Variants in PTPRN2 observed in about 807,000 individuals in gnomAD.
PTPRN2 encodes the protein receptor-type tyrosine-protein phosphatase N2.
In PTPRN2, 74 loss-of-function variants were observed where a neutral mutation model predicts 118.8. The observed-to-expected ratio is 0.62, with a 90% confidence interval of 0.52 to 0.76. The LOEUF (loss-of-function observed/expected upper bound fraction) is 0.76. Ranked by LOEUF, PTPRN2 falls within the 30% of genes least tolerant of loss-of-function variation. PTPRN2 has a pLI of 0.00. For synonymous variants in PTPRN2, 641 were observed against 608.0 expected, an observed-to-expected ratio of 1.05 and a Z score of -0.80; for missense variants, 1,481 against 1,394.4, an observed-to-expected ratio of 1.06 and a Z score of -0.99.
intron 3 of PTPRN2, among the ~76,000 whole-genome samples, chr7:158,256,701 G>A (rs755874782): frequency 6.6e-6 from 1 of 152,048 alleles, no homozygotes; most frequent in African/African-American, 2.4e-5. Flanking sequence ...CTACCCTGGT[G>A]GCTTGAGAGC....
In PTPRN2 at chr7:157,585,382, C is replaced by T. The variant is rs555008395; in HGVS notation, c.2497-7242G>A. On this transcript the variant is annotated intron_variant, in intron 17 of 22. Transcript: ENST00000389418. The surrounding 1 kb of genome is among the most constrained non-coding windows in gnomAD (Gnocchi z 5.2). ...ACTCCACCAAAGTCGGGTCTGTGTTCTCCGGGAAGGACTCAGCCTGCTTGT... is the reference window on the plus strand; with the variant it reads ...ACTCCACCAAAGTCGGGTCTGTGTTTTCCGGGAAGGACTCAGCCTGCTTGT... Among the ~76,000 whole-genome samples, 27 of 152,132 alleles carry T rather than the reference C, an allele frequency of 1.8e-4. No individual in the cohort carries two copies. The highest frequency in any genetic ancestry group is 5.2e-4 in the Admixed American group (8 of 15,306).
chr7:158,096,020 G>C lies in PTPRN2; in HGVS notation c.1644-14643C>G, dbSNP rs574764412. 6.9e-4 allele frequency among the ~76,000 whole-genome samples: 105 copies of C among 152,208 alleles called. 1 individual carries two copies. Among genetic ancestry groups the C allele is most frequent in the Non-Finnish European group, 1.3e-3 (88 of 68,042 alleles). ...CTTCACACTTGAAGTGCATTGAAAA[G>C]TCTAGAGAAAAGAATGGGTTCTTCT... On this transcript the variant is annotated intron_variant, in intron 10 of 22. Transcript: ENST00000389418.
chr7:157,796,534 T>C (rs4716498), intron 12 of PTPRN2, among the ~76,000 whole-genome samples: 20,454 of 152,246 alleles, frequency 0.13, 1,446 homozygotes, highest in South Asian at 0.17. Context: ...GTTAAAAATC[T>C]GGTTGGAGAG....
intron 6 of PTPRN2, among the ~76,000 whole-genome samples, chr7:158,159,934 GA>G (rs36055189): frequency 0.63 from 95,052 of 152,010 alleles, 30,794 homozygotes; most frequent in East Asian, 0.84. Flanking sequence ...CCCAAATAGT[GA>G]AATCCCCAAA....
rs1231545265 is a variant in PTPRN2, at chr7:157,779,102, C to A, written c.1789-96165G>T. ...TCCCTGGGGTCTTGGGACCCTCAAGCAAATGCCACCTAGAAGCAAAACCTG... is the reference window on the plus strand; with the variant it reads ...TCCCTGGGGTCTTGGGACCCTCAAGAAAATGCCACCTAGAAGCAAAACCTG... On this transcript the variant is annotated intron_variant, in intron 12 of 22. Transcript: ENST00000389418. This position sits in a 1 kb window ranked among gnomAD's most constrained non-coding sequence, Gnocchi z 4.7. 6.6e-6 allele frequency among the ~76,000 whole-genome samples: 1 copy of A among 152,182 alleles called. No individual in the cohort carries two copies. Among genetic ancestry groups the A allele is most frequent in the African/African-American group, 2.4e-5 (1 of 41,460 alleles).
chr7:158,376,732 T>C (rs1400644224), intron 2 of PTPRN2, among the ~76,000 whole-genome samples: 12 of 124,464 alleles, frequency 9.6e-5, no homozygotes, highest in Non-Finnish European at 1.8e-4. Context: ...CCCACAGCCC[T>C]GTCACACGTC....
At chr7:158,074,403 G>C (rs1462548403) in intron 11 of PTPRN2, among the ~76,000 whole-genome samples, 1 of 152,184 alleles carries the variant, frequency 6.6e-6, no homozygotes, top group African/African-American at 2.4e-5. Context: ...GGCCACGGAA[G>C]CCTCCTGCAC....
At chr7:158,171,052 T>A (rs71544550) in intron 5 of PTPRN2, among the ~76,000 whole-genome samples, 3 of 113,940 alleles carry the variant, frequency 2.6e-5, no homozygotes, top group African/African-American at 4.5e-5. Context: ...TACATATATA[T>A]ACACATATAT....
At chr7:157,601,511 C>T (rs182446534) in intron 16 of PTPRN2, among the ~76,000 whole-genome samples, 62 of 152,350 alleles carry the variant, frequency 4.1e-4, no homozygotes, top group African/African-American at 1.4e-3. Flanking sequence ...AAAATTACTT[C>T]TCCCTCCTGG....
intron 9 of PTPRN2, among the ~76,000 whole-genome samples, chr7:158,114,611 C>T (rs907627876): frequency 2.6e-5 from 4 of 152,260 alleles, no homozygotes; most frequent in Admixed American, 6.5e-5. Context: ...GAGGAGCCAG[C>T]GGCCCCCGGC....
At chr7:158,508,854 C>A (rs1456526643) in intron 1 of PTPRN2, among the ~76,000 whole-genome samples, 9 of 101,398 alleles carry the variant, frequency 8.9e-5, no homozygotes, top group South Asian at 4.2e-4. Context: ...ACGCTCGGAG[C>A]AGGTGCGGAA....
intron 3 of PTPRN2, among the ~76,000 whole-genome samples, chr7:158,227,508 G>A (rs775270749): frequency 6.6e-6 from 1 of 152,150 alleles, no homozygotes; most frequent in Non-Finnish European, 1.5e-5. Context: ...GACGTGTGAC[G>A]GGAAGACCCC....
At chr7:157,551,153 T>C (rs981006672) in intron 21 of PTPRN2, among the ~76,000 whole-genome samples, 2 of 151,976 alleles carry the variant, frequency 1.3e-5, no homozygotes, top group Non-Finnish European at 2.9e-5. Flanking sequence ...GAAAGTCAAG[T>C]CCCTGCATGG....
chr7:157,832,383 C>G (rs1207297176), intron 12 of PTPRN2, among the ~76,000 whole-genome samples: 1 of 152,172 alleles, frequency 6.6e-6, no homozygotes, highest in East Asian at 1.9e-4. Context: ...GGAAGGTTGC[C>G]TTTGTAAACT....
intron 6 of PTPRN2, among the ~76,000 whole-genome samples, chr7:158,151,096 G>A (rs1404623237): frequency 0.039 from 594 of 15,200 alleles, 150 homozygotes; most frequent in Non-Finnish European, 0.055. Context: ...TGCCCAAACC[G>A]CCCGCCTTTC....
chr7:157,917,793 T>C (rs1798489679), intron 11 of PTPRN2, among the ~76,000 whole-genome samples: 1 of 152,194 alleles, frequency 6.6e-6, no homozygotes. Flanking sequence ...CCCCAGGTCC[T>C]GCGTGGCGAC....
At chr7:158,340,902 G>A (rs1167114006) in intron 2 of PTPRN2, among the ~76,000 whole-genome samples, 2 of 87,492 alleles carry the variant, frequency 2.3e-5, no homozygotes, top group African/African-American at 4.2e-5. Flanking sequence ...GCTGACACCC[G>A]AAGTCAGTCA....
intron 6 of PTPRN2, among the ~76,000 whole-genome samples, chr7:158,144,943 T>C (rs1340170942): frequency 6.6e-6 from 1 of 150,920 alleles, no homozygotes; most frequent in African/African-American, 2.4e-5. Context: ...ATGCCACGGC[T>C]CGGCAAGACT....
intron 11 of PTPRN2, among the ~76,000 whole-genome samples, chr7:157,997,595 C>T (rs542705748): frequency 5.3e-4 from 80 of 152,088 alleles, no homozygotes; most frequent in African/African-American, 1.8e-3. Flanking sequence ...GGCAAAGCCA[C>T]GTCAGCAGCC....
Sources: allele counts gnomAD v4.1 joint callset (sites outside exome capture counted in the v4.1 genomes callset), GRCh38; gene constraint gnomAD v4.1.1; non-coding constraint Gnocchi (gnomAD v3.1); transcripts MANE v1.5; gene names NCBI Gene and HGNC (gene_info 2026-07-23, HGNC 2026-07-21).